Variants in CCSER2 observed in about 807,000 individuals in gnomAD.
CCSER2 encodes serine-rich coiled-coil domain-containing protein 2.
In CCSER2, 46 loss-of-function variants were observed where a neutral mutation model predicts 92.3. The ratio of observed to expected loss-of-function variants is 0.50; its 90% CI spans 0.39 to 0.64. The LOEUF (loss-of-function observed/expected upper bound fraction) is 0.64, where lower values mean the gene tolerates loss of function less well. CCSER2 is among the 30% of genes least tolerant of loss of function. The pLI, the probability that CCSER2 is intolerant of heterozygous loss-of-function variation, is 0.00. For missense variants in CCSER2, 1,244 were observed against 1,238.9 expected (o/e 1.00, Z -0.06); for synonymous variants, 433 against 431.4 (o/e 1.00, Z -0.04).
intron 3 of CCSER2, among the ~76,000 whole-genome samples, chr10:84,402,085 C>T (rs1842147721): frequency 1.3e-5 from 2 of 152,194 alleles, no homozygotes; most frequent in South Asian, 4.1e-4. Context: ...TGCTTGTGCT[C>T]CGCATGTGGC....
At chr10:84,506,828 T>TAAATAA (rs58466020) in intron 9 of CCSER2, among the ~76,000 whole-genome samples, 1 of 151,710 alleles carries the variant, frequency 6.6e-6, no homozygotes. Flanking sequence ...AATAAATAAA[T>TAAATAA]CTAACACTTA....
chr10:84,477,437 G>A, intron 8 of CCSER2, 138 bp from the exon 9 acceptor site: 1 of 535,568 alleles, frequency 1.9e-6, no homozygotes, highest in East Asian at 3.1e-5. Context: ...TCCTGTCATG[G>A]CTGTTAATTT....
At chr10:84,496,512 C>G (rs1326064912) in intron 9 of CCSER2, among the ~76,000 whole-genome samples, 1 of 151,888 alleles carries the variant, frequency 6.6e-6, no homozygotes, top group African/African-American at 2.4e-5. Context: ...GTCTGGATCT[C>G]CTGACCTCGT....
At chr10:84,449,538 G>A (rs1198190072) in intron 6 of CCSER2, among the ~76,000 whole-genome samples, 1 of 152,138 alleles carries the variant, frequency 6.6e-6, no homozygotes, top group African/African-American at 2.4e-5. Context: ...TGTGAAGAAT[G>A]CATGAGGCAA....
rs1564740338 is a variant in CCSER2 at position 84,513,791 on chromosome 10, A to T, written c.2668A>T (p.Thr890Ser). ...GCAGTTTATACCCACTTCTCTTCAG[A>T]CACCTCCCGAGTCAAGTACAGTAGA... The part of the protein sequence containing the change: ...DMQFIPTSLQ[T>S]PPESSTVDQA... The change falls in exon 10 of 10, where the codon ACA becomes TCA. Residue 890 changes from threonine (T) to serine (S), a missense_variant. Transcript: ENST00000372088. The T allele has an allele frequency of 2.0e-6, 3 of 1,536,422 alleles. No individual in the cohort carries two copies. The highest frequency in any genetic ancestry group is 2.6e-6 in the Non-Finnish European group (3 of 1,146,910).
At chr10:84,392,559 G>T (rs1398002245) in intron 3 of CCSER2, among the ~76,000 whole-genome samples, 1 of 151,532 alleles carries the variant, frequency 6.6e-6, no homozygotes, top group African/African-American at 2.4e-5. Context: ...CACATGATGG[G>T]GCTTTGTTTT....
At chr10:84,362,118 C>T (rs1845533949) in intron 1 of CCSER2, among the ~76,000 whole-genome samples, 1 of 152,152 alleles carries the variant, frequency 6.6e-6, no homozygotes. Flanking sequence ...AGTCTTCCAT[C>T]CATGTTAATG....
In CCSER2 at chr10:84,488,249, C is replaced by T. The variant is rs183014176; in HGVS notation, c.2325+10585C>T. Among the ~76,000 whole-genome samples, 1,173 of 152,284 alleles carry T rather than the reference C, an allele frequency of 7.7e-3. 8 individuals carry two copies. The highest frequency in any genetic ancestry group is 0.013 in the Non-Finnish European group (904 of 68,026). On this transcript the variant is annotated intron_variant, in intron 9 of 9. Coordinates refer to ENST00000372088, the MANE Select transcript of CCSER2 (RefSeq NM_001284240.2). ...GTCTTTGGTATCAGGATGATGCTGG[C>T]CTCATAAAATGAGTTAGGGAGGGTT...
chr10:84,441,930 A>G lies in CCSER2; in HGVS notation c.2064+3223A>G, dbSNP rs185743474. On this transcript the variant is annotated intron_variant, in intron 6 of 9. Transcript: ENST00000372088. ...CACCACCACGCCCGGCTAATTTCTT[A>G]TATTTTTAGTAGAGACAGGGTTTCA... 3.3e-4 allele frequency among the ~76,000 whole-genome samples: 50 copies of G among 151,310 alleles called. 1 individual carries two copies. Among genetic ancestry groups the G allele is most frequent in the Admixed American group, 5.9e-4 (9 of 15,196 alleles).
intron 1 of CCSER2, among the ~76,000 whole-genome samples, chr10:84,346,249 A>T (rs1844468769): frequency 6.6e-6 from 1 of 152,136 alleles, no homozygotes; most frequent in Non-Finnish European, 1.5e-5. Flanking sequence ...CTTTTAGTAG[A>T]GACGGGGTTT....
At chr10:84,432,142 A>G (rs1348311049) in intron 5 of CCSER2, among the ~76,000 whole-genome samples, 1 of 152,216 alleles carries the variant, frequency 6.6e-6, no homozygotes, top group African/African-American at 2.4e-5. Context: ...GCAGTTCCCT[A>G]ATGATAAATG....
chr10:84,398,611 T>C (rs1422405677), intron 3 of CCSER2, among the ~76,000 whole-genome samples: 2 of 152,202 alleles, frequency 1.3e-5, no homozygotes, highest in Non-Finnish European at 2.9e-5. Flanking sequence ...TATTCCTGTT[T>C]ATTTTTAAAG....
chr10:84,411,610 G>C (rs1842653485), intron 3 of CCSER2, among the ~76,000 whole-genome samples: 1 of 152,116 alleles, frequency 6.6e-6, no homozygotes, highest in East Asian at 1.9e-4. Context: ...TTCTCAGCTT[G>C]CCGGTTGTTG....
At chr10:84,394,620 G>A (rs1363280926) in intron 3 of CCSER2, among the ~76,000 whole-genome samples, 3 of 152,012 alleles carry the variant, frequency 2.0e-5, no homozygotes, top group Admixed American at 2.0e-4. Flanking sequence ...TAGGGTATGG[G>A]GTAGAGGGTA....
At chr10:84,424,725 A>G (rs951318520) in intron 4 of CCSER2, among the ~76,000 whole-genome samples, 4 of 152,078 alleles carry the variant, frequency 2.6e-5, no homozygotes, top group African/African-American at 7.2e-5. Context: ...AGGAATTCTG[A>G]ACATGCAGGA....
chr10:84,335,336 C>T (rs1369023133), intron 1 of CCSER2, among the ~76,000 whole-genome samples: 1 of 147,062 alleles, frequency 6.8e-6, no homozygotes, highest in Non-Finnish European at 1.5e-5. Context: ...TCTAGCTATC[C>T]TCCTGCCTTG....
intron 3 of CCSER2, among the ~76,000 whole-genome samples, chr10:84,377,344 A>T (rs1846392353): frequency 6.6e-6 from 1 of 152,138 alleles, no homozygotes; most frequent in Non-Finnish European, 1.5e-5. Context: ...GTAGGTCTCT[A>T]GTCCCCATCT....
At chr10:84,461,119 G>T (rs965382029) in intron 6 of CCSER2, among the ~76,000 whole-genome samples, 2 of 151,986 alleles carry the variant, frequency 1.3e-5, no homozygotes, top group African/African-American at 4.8e-5. Context: ...TTGGTATGTG[G>T]TGTCTGTTAT....
At chr10:84,417,892 G>C in intron 4 of CCSER2, 31 bp downstream of exon 4, 1 of 1,097,968 alleles carries the variant, frequency 9.1e-7, no homozygotes, top group Non-Finnish European at 1.4e-6. Context: ...ACCTTCAGAG[G>C]TATATACTTG....
Sources: allele counts gnomAD v4.1 joint callset (sites outside exome capture counted in the v4.1 genomes callset), GRCh38; gene constraint gnomAD v4.1.1; transcripts MANE v1.5; gene names NCBI Gene and HGNC (gene_info 2026-07-23, HGNC 2026-07-21).